RBFOX1: variants seen among roughly 807,000 people sequenced by gnomAD.
RBFOX1 encodes RNA binding protein fox-1 homolog 1.
In RBFOX1, 8 loss-of-function variants were observed where a neutral mutation model predicts 57.7. The observed-to-expected ratio is 0.14, with a 90% CI of 0.08 to 0.25. The LOEUF (loss-of-function observed/expected upper bound fraction) is 0.25. RBFOX1 is among the 10% of genes least tolerant of loss of function. RBFOX1 has a pLI of 1.00. For synonymous variants in RBFOX1, 326 were observed against 222.4 expected, an observed-to-expected ratio of 1.47 and a Z score of -4.15; for missense variants, 611 against 548.5, an observed-to-expected ratio of 1.11 and a Z score of -1.14.
intron 4 of RBFOX1, among the ~76,000 whole-genome samples, chr16:5,872,003 C>T (rs1787863566): frequency 6.6e-6 from 1 of 152,218 alleles, no homozygotes; most frequent in Middle Eastern, 3.4e-3. Context: ...TTATTTTTTC[C>T]TTCCAAAAGG....
chr16:6,838,804 A>G (rs920585539), intron 3 of RBFOX1, among the ~76,000 whole-genome samples: 10 of 152,218 alleles, frequency 6.6e-5, no homozygotes, highest in African/African-American at 1.9e-4. Flanking sequence ...AGGATATATC[A>G]GAATACTCCA....
intron 1 of RBFOX1, among the ~76,000 whole-genome samples, chr16:5,443,239 C>G (rs922444765): frequency 6.6e-5 from 10 of 152,194 alleles, no homozygotes; most frequent in African/African-American, 2.2e-4. Flanking sequence ...AAAACCCAAC[C>G]TAATGCTTAG....
chr16:5,355,031 TACAGAGAAGGGGACAG>T (rs1277097057), intron 1 of RBFOX1, among the ~76,000 whole-genome samples: 2 of 150,240 alleles, frequency 1.3e-5, no homozygotes. Flanking sequence ...GGGACAGAGA[TACAGAGAAGGGGACAG>T]ACAGAGAAGA....
intron 4 of RBFOX1, among the ~76,000 whole-genome samples, chr16:7,428,841 AATAATG>A (rs1220830590): frequency 6.6e-6 from 1 of 152,070 alleles, no homozygotes; most frequent in Non-Finnish European, 1.5e-5. Flanking sequence ...TTATAATGGG[AATAATG>A]ATAATGATAA....
At chr16:6,981,825 G>C (rs964904056) in intron 3 of RBFOX1, among the ~76,000 whole-genome samples, 1 of 152,150 alleles carries the variant, frequency 6.6e-6, no homozygotes, top group African/African-American at 2.4e-5. Context: ...GATTGGGGTG[G>C]GGACACAGCC....
chr16:6,403,762 A>C (rs1300353070), intron 2 of RBFOX1, among the ~76,000 whole-genome samples: 1 of 152,164 alleles, frequency 6.6e-6, no homozygotes, highest in Non-Finnish European at 1.5e-5. Flanking sequence ...ATGTTCATGC[A>C]TTGACTCAAG....
chr16:7,047,016 C>A (rs962214591), intron 3 of RBFOX1, among the ~76,000 whole-genome samples: 1 of 149,892 alleles, frequency 6.7e-6, no homozygotes, highest in Non-Finnish European at 1.5e-5. Context: ...TTAATGAACT[C>A]AAGAGTATAG....
chr16:5,896,865 C>G (rs1486142398), intron 4 of RBFOX1, among the ~76,000 whole-genome samples: 1 of 152,054 alleles, frequency 6.6e-6, no homozygotes. Context: ...TCCTAAACAT[C>G]ATATATTCAT....
intron 4 of RBFOX1, among the ~76,000 whole-genome samples, chr16:5,874,278 C>G (rs1169487847): frequency 6.6e-6 from 1 of 152,172 alleles, no homozygotes; most frequent in Non-Finnish European, 1.5e-5. Context: ...GATCAATGGT[C>G]CTCTGGCTTG....
rs146029127 is a variant in RBFOX1, at chr16:5,242,120, A to AAGAG, written c.219+2029_219+2032dup. Among the ~76,000 whole-genome samples, 290 of 150,560 alleles carry AAGAG rather than the reference A, an allele frequency of 1.9e-3. 1 individual carries two copies. Among genetic ancestry groups the AAGAG allele is most frequent in the African/African-American group, 6.6e-3 (273 of 41,194 alleles). On this transcript the variant is annotated intron_variant, in intron 1 of 2. Transcript: ENST00000585867. ...CAAAGTGAGACCCTGTTTCAAGGAA[A>AAGAG]AGAGAGAGAGAGAGAGACAGACAGA... is the stretch of plus-strand genomic sequence containing the variant.
chr16:5,904,844 G>A (rs943417297), intron 4 of RBFOX1, among the ~76,000 whole-genome samples: 16 of 151,570 alleles, frequency 1.1e-4, no homozygotes, highest in African/African-American at 3.9e-4. Flanking sequence ...GGGCATGGTG[G>A]TGGGCGCCTG....
intron 1 of RBFOX1, among the ~76,000 whole-genome samples, chr16:5,261,557 T>G (rs1362942187): frequency 1.3e-5 from 2 of 150,158 alleles, no homozygotes; most frequent in Non-Finnish European, 3.0e-5. Flanking sequence ...TGGTTTTTTT[T>G]TTTTTTTTTT....
intron 2 of RBFOX1, among the ~76,000 whole-genome samples, chr16:6,582,674 C>G (rs1028829700): frequency 3.3e-5 from 5 of 151,268 alleles, no homozygotes; most frequent in African/African-American, 1.2e-4. Context: ...TTTCTTTTTC[C>G]CTCCACCATT....
At chr16:5,876,983 C>G (rs544190563) in intron 4 of RBFOX1, among the ~76,000 whole-genome samples, 2 of 152,284 alleles carry the variant, frequency 1.3e-5, no homozygotes, top group African/African-American at 4.8e-5. Context: ...CAGAATCAGT[C>G]TAGAACGTGG....
At chr16:6,788,717 C>A (rs1038350091) in intron 3 of RBFOX1, among the ~76,000 whole-genome samples, 6 of 150,366 alleles carry the variant, frequency 4.0e-5, no homozygotes, top group Non-Finnish European at 8.8e-5. Context: ...TCTCGTGATC[C>A]GCCCGCCTCG....
Position 6,316,975 on chromosome 16 carries a change from TTCCCCTTTTTCTTC to T in RBFOX1, c.-126-18_-126-5del. The T allele has an allele frequency of 6.5e-7, 1 of 1,532,250 alleles. No individual in the cohort carries two copies. The allele number at this position is 1,532,250 out of a possible 1,614,324, so 94.9% of individuals were successfully genotyped here. ...AATACATTTCTTGATACTAAAGTCA[TTCCCCTTTTTCTTC>T]TTTAGGAAACTGGTCAAAGAACTCA... On this transcript the variant is annotated splice_polypyrimidine_tract_variant and splice_region_variant and intron_variant, in intron 1 of 15. Coordinates refer to ENST00000550418, the MANE Select transcript of RBFOX1 (RefSeq NM_018723.4).
At chr16:6,637,484 C>T (rs1218011224) in intron 2 of RBFOX1, among the ~76,000 whole-genome samples, 6 of 41,650 alleles carry the variant, frequency 1.4e-4, no homozygotes, top group African/African-American at 3.4e-4. Context: ...TATATAATAT[C>T]CTATATATTA....
intron 3 of RBFOX1, among the ~76,000 whole-genome samples, chr16:6,693,311 C>T (rs889278037): frequency 6.6e-6 from 1 of 151,550 alleles, no homozygotes; most frequent in African/African-American, 2.4e-5. Flanking sequence ...CCTCCACTAC[C>T]AACACCACCA....
chr16:5,458,473 A>C (rs1276685140), intron 1 of RBFOX1, among the ~76,000 whole-genome samples: 2 of 152,200 alleles, frequency 1.3e-5, no homozygotes, highest in Non-Finnish European at 2.9e-5. Flanking sequence ...GTGCTGTGCA[A>C]TTTACATGGA....
Sources: allele counts gnomAD v4.1 joint callset (sites outside exome capture counted in the v4.1 genomes callset), GRCh38; gene constraint gnomAD v4.1.1; transcripts MANE v1.5; gene names NCBI Gene and HGNC (gene_info 2026-07-23, HGNC 2026-07-21).